Variants in ODR4 observed in about 807,000 individuals in gnomAD.
ODR4 encodes the protein protein odr-4 homolog.
Under a neutral mutation model 60.2 loss-of-function variants are expected in ODR4, and 47 were observed. The observed-to-expected ratio is 0.78, with a 90% CI of 0.62 to 1.00. The LOEUF (loss-of-function observed/expected upper bound fraction) is 1.00, where lower values mean the gene tolerates loss of function less well. Ranked by LOEUF, ODR4 falls within the 50% of genes least tolerant of loss-of-function variation. The pLI is 0.00. For missense variants in ODR4, 488 were observed against 530.8 expected, an observed-to-expected ratio of 0.92 and a Z score of 0.79; for synonymous variants, 178 against 175.5, an observed-to-expected ratio of 1.01 and a Z score of -0.11.
intron 3 of ODR4, among the ~76,000 whole-genome samples, chr1:186,385,524 G>A (rs1470488323): frequency 6.6e-6 from 1 of 151,732 alleles, no homozygotes; most frequent in African/African-American, 2.4e-5. Flanking sequence ...GTTGAGACAT[G>A]CAGAAGTATA....
At chr1:186,399,838 ACC>A (rs1318003448) in intron 11 of ODR4, among the ~76,000 whole-genome samples, 2 of 152,128 alleles carry the variant, frequency 1.3e-5, no homozygotes, top group African/African-American at 2.4e-5. Flanking sequence ...ACAGTATCTT[ACC>A]CATTAATAAC....
intron 11 of ODR4, 175 bp downstream of exon 11, chr1:186,399,219 T>G: frequency 1.6e-6 from 1 of 629,182 alleles, no homozygotes; most frequent in Non-Finnish European, 2.9e-6. Context: ...TTTTTTTTTT[T>G]TTTTAGACAG....
At position 186,388,551 on chromosome 1, in the gene ODR4, A is replaced by G; in HGVS notation, c.437+3A>G. 13 of 1,497,222 alleles carry G rather than the reference A, an allele frequency of 8.7e-6. No homozygotes were observed. The highest frequency in any genetic ancestry group is 1.2e-5 in the Non-Finnish European group (13 of 1,108,504). The allele number at this position is 1,497,222 out of a possible 1,614,324, so 92.7% of individuals were successfully genotyped here. ...CACATTTGTGCTTCTACAAAAAAGT[A>G]TCTTTTGTTCAGTTTATGGTTTAAA... On this transcript the variant is annotated splice_donor_region_variant and intron_variant, in intron 5 of 13. Coordinates refer to ENST00000287859, the MANE Select transcript of ODR4 (RefSeq NM_017847.6).
At chr1:186,401,358 CTG>C in intron 11 of ODR4, 1 of 507,062 alleles carries the variant, frequency 2.0e-6, no homozygotes, top group Non-Finnish European at 3.6e-6. Context: ...AGAGCATAGA[CTG>C]TAGTTTGGTG....
intron 2 of ODR4, among the ~76,000 whole-genome samples, chr1:186,382,283 G>T (rs1307678084): frequency 6.6e-6 from 1 of 151,142 alleles, no homozygotes; most frequent in Non-Finnish European, 1.5e-5. Context: ...AGGCATTATG[G>T]CTGATTGTTT....
At chr1:186,388,912 A>G (rs570098350) in intron 5 of ODR4, among the ~76,000 whole-genome samples, 1 of 152,178 alleles carries the variant, frequency 6.6e-6, no homozygotes, top group Non-Finnish European at 1.5e-5. Context: ...TCCAGTTTCT[A>G]TAGATAAGGA....
At chr1:186,390,942 C>G in intron 7 of ODR4, 91 bp downstream of exon 7, 1 of 1,255,154 alleles carries the variant, frequency 8.0e-7, no homozygotes, top group Non-Finnish European at 1.1e-6. Flanking sequence ...TTACAATCCT[C>G]AAAAATTACA....
chr1:186,426,299 A>G (rs1349522485), downstream of ODR4, among the ~76,000 whole-genome samples: 2 of 152,176 alleles, frequency 1.3e-5, no homozygotes, highest in African/African-American at 4.8e-5. Flanking sequence ...TTGTTAACTC[A>G]TGACTCTTTG....
intron 2 of ODR4, among the ~76,000 whole-genome samples, chr1:186,381,693 C>A (rs530473457): frequency 2.0e-5 from 3 of 152,314 alleles, no homozygotes; most frequent in South Asian, 2.1e-4. Flanking sequence ...CAATTCATTC[C>A]TTTCAGTATT....
the ODR4 span, among the ~76,000 whole-genome samples, chr1:186,428,210 A>G: frequency 6.6e-6 from 1 of 152,244 alleles, no homozygotes; most frequent in African/African-American, 2.4e-5. Flanking sequence ...TTTAATCTAC[A>G]TTGAAAATCT....
At position 186,393,965 on chromosome 1, in the gene ODR4, A is replaced by G. The variant is rs1305905590; in HGVS notation, c.730A>G (p.Asn244Asp). ...LEGQKKSSRG[N>D]TQATSHSFDV... ...TTTTCAGAAAAAATCTTCTAGAGGAAATACTCAAGCAACTAGTCATTCTTT... is the reference window on the plus strand; with the variant it reads ...TTTTCAGAAAAAATCTTCTAGAGGAGATACTCAAGCAACTAGTCATTCTTT... Residue 244 changes from asparagine to aspartate, a missense_variant, in exon 9 of 14, where the codon AAT (asparagine) becomes GAT (aspartate). By Grantham distance (23) the Asn-to-Asp change is conservative (BLOSUM62 1). Transcript: ENST00000287859. 1 of 1,522,408 alleles carries G rather than the reference A, an allele frequency of 6.6e-7. No individual in the cohort carries two copies. Among genetic ancestry groups the G allele is most frequent in the African/African-American group, 1.4e-5 (1 of 72,548 alleles). The allele number at this position is 1,522,408 out of a possible 1,614,324, so 94.3% of individuals were successfully genotyped here. A position where few individuals can be genotyped will look rare whatever the true frequency, so the allele number is the denominator to read the frequency against.
At chr1:186,407,759 G>A (rs1228411393) in intron 12 of ODR4, among the ~76,000 whole-genome samples, 1 of 152,002 alleles carries the variant, frequency 6.6e-6, no homozygotes, top group Non-Finnish European at 1.5e-5. Flanking sequence ...ACCTTAAGCT[G>A]TTCATTTTAT....
intron 12 of ODR4, among the ~76,000 whole-genome samples, chr1:186,410,601 G>A (rs10494587): frequency 0.024 from 3,650 of 152,282 alleles, 61 homozygotes; most frequent in Non-Finnish European, 0.036. Context: ...ATCAAGATTA[G>A]TGATCAGAAT....
At chr1:186,433,486 A>G in the ODR4 span, among the ~76,000 whole-genome samples, 1 of 152,148 alleles carries the variant, frequency 6.6e-6, no homozygotes, top group South Asian at 2.1e-4. Flanking sequence ...ACAGTATACT[A>G]GTTCATTATT....
At chr1:186,379,722 A>G in intron 1 of ODR4, 45 bp from the exon 2 acceptor site, 1 of 1,030,770 alleles carries the variant, frequency 9.7e-7, no homozygotes. Context: ...GACATTGCAA[A>G]TGATATTTTA....
chr1:186,416,139 A>T (rs888998714), intron 12 of ODR4, among the ~76,000 whole-genome samples: 5 of 152,228 alleles, frequency 3.3e-5, no homozygotes, highest in Non-Finnish European at 7.3e-5. Flanking sequence ...TTTTACAAAA[A>T]TAGGTCATGA....
At chr1:186,402,822 G>A (rs934985165) in intron 11 of ODR4, among the ~76,000 whole-genome samples, 2 of 151,980 alleles carry the variant, frequency 1.3e-5, no homozygotes, top group Admixed American at 6.6e-5. Flanking sequence ...TCAAACTTCT[G>A]GCCCCAAGCA....
chr1:186,397,658 C>G (rs1270269433), intron 9 of ODR4, among the ~76,000 whole-genome samples: 1 of 152,098 alleles, frequency 6.6e-6, no homozygotes, highest in African/African-American at 2.4e-5. Flanking sequence ...TTGGAGCATT[C>G]AGGATTTTTA....
At chr1:186,434,687 T>G in the ODR4 span, among the ~76,000 whole-genome samples, 19 of 152,194 alleles carry the variant, frequency 1.2e-4, no homozygotes, top group South Asian at 1.2e-3. Context: ...TAATAAAAGA[T>G]AAATGTAATG....
Sources: allele counts gnomAD v4.1 joint callset (sites outside exome capture counted in the v4.1 genomes callset), GRCh38; gene constraint gnomAD v4.1.1; transcripts MANE v1.5; gene names NCBI Gene and HGNC (gene_info 2026-07-23, HGNC 2026-07-21).